KTN1: variants seen among roughly 807,000 people sequenced by gnomAD.
KTN1 encodes the protein kinectin.
In KTN1, 130 loss-of-function variants were observed where a neutral mutation model predicts 222.5. That is an observed-to-expected ratio of 0.58 (90% CI 0.51 to 0.68). KTN1 has a LOEUF of 0.68. Ranked by LOEUF, KTN1 falls within the 30% of genes least tolerant of loss-of-function variation. KTN1 has a pLI of 0.00. For missense variants in KTN1, 1,508 were observed against 1,500.4 expected (o/e 1.01, Z -0.08); for synonymous variants, 512 against 496.3 (o/e 1.03, Z -0.42).
At chr14:55,656,010 T>C (rs771252917) in intron 28 of KTN1, 32 bp from the exon 29 acceptor site, 28 of 1,315,532 alleles carry the variant, frequency 2.1e-5, no homozygotes, top group South Asian at 3.9e-5. Context: ...TTATGTACTT[T>C]AGTTAATGCA....
At chr14:55,581,914 T>A (rs2031754054) in intron 1 of KTN1, among the ~76,000 whole-genome samples, 1 of 148,762 alleles carries the variant, frequency 6.7e-6, no homozygotes, top group Non-Finnish European at 1.5e-5. Context: ...TCCTTTTTCC[T>A]TTTTTTTTAG....
intron 31 of KTN1, among the ~76,000 whole-genome samples, chr14:55,660,795 A>G (rs1050648268): frequency 4.6e-5 from 7 of 152,228 alleles, no homozygotes; most frequent in African/African-American, 1.4e-4. Flanking sequence ...ACATGTATAA[A>G]TAAAACAACA....
At chr14:55,644,868 G>A (rs1043109097) in intron 18 of KTN1, among the ~76,000 whole-genome samples, 1 of 152,056 alleles carries the variant, frequency 6.6e-6, no homozygotes, top group African/African-American at 2.4e-5. Flanking sequence ...TTATGCAATA[G>A]AGTATTTGAT....
chr14:55,671,335 T>G, intron 35 of KTN1: 2 of 496,064 alleles, frequency 4.0e-6, no homozygotes, highest in Non-Finnish European at 7.0e-6. Context: ...TCTTACCACC[T>G]GACTAAAGAC....
chr14:55,659,562 T>C, intron 30 of KTN1, 104 bp from the exon 31 acceptor site: 1 of 768,970 alleles, frequency 1.3e-6, no homozygotes, highest in Non-Finnish European at 2.3e-6. Context: ...ATATATACTA[T>C]TTTTACTTTT....
chr14:55,598,139 G>A (rs2035344909), intron 1 of KTN1, among the ~76,000 whole-genome samples: 1 of 151,964 alleles, frequency 6.6e-6, no homozygotes, highest in Non-Finnish European at 1.5e-5. Flanking sequence ...GAAATAATAA[G>A]AATATTGCTT....
chr14:55,622,792 T>G (rs1000565075), intron 5 of KTN1, among the ~76,000 whole-genome samples: 1 of 152,240 alleles, frequency 6.6e-6, no homozygotes, highest in African/African-American at 2.4e-5. Context: ...CTTTAAGAGA[T>G]AAATTGTTAT....
rs547135619 is a variant in KTN1 at position 55,612,398 on chromosome 14, A to C, written c.350A>C (p.Lys117Thr). The change falls in exon 2 of 44, where the codon AAG becomes ACG. Residue 117 changes from lysine to threonine, a missense_variant. Coordinates refer to ENST00000395314, the MANE Select transcript of KTN1 (RefSeq NM_001079521.2). Reference protein sequence around the residue: ...TSSSVRERKKKEKKQKPVLEE... With the variant: ...TSSSVRERKKTEKKQKPVLEE... Reference sequence around the variant, plus strand: ...AGTAGTGTTAGGGAAAGAAAAAAGAAGGAAAAGAAACAAAAGCCTGTGCTT... The same window carrying C: ...AGTAGTGTTAGGGAAAGAAAAAAGACGGAAAAGAAACAAAAGCCTGTGCTT... The C allele has an allele frequency of 1.2e-6, 2 of 1,614,014 alleles. No individual in the cohort carries two copies. The highest frequency in any genetic ancestry group is 4.5e-5 in the East Asian group (2 of 44,874).
intron 30 of KTN1, among the ~76,000 whole-genome samples, chr14:55,659,209 C>G (rs1385392108): frequency 6.6e-6 from 1 of 151,816 alleles, no homozygotes; most frequent in African/African-American, 2.4e-5. Context: ...GGAATAAATA[C>G]CATATATGAA....
Position 55,630,006 on chromosome 14 carries a change from A to T in KTN1, c.1130A>T (p.Lys377Ile). 6.2e-7 allele frequency: 1 copy of T among 1,602,966 alleles called. No individual in the cohort carries two copies. The highest frequency in any genetic ancestry group is 8.5e-7 in the Non-Finnish European group (1 of 1,169,872). Residue 377 changes from lysine to isoleucine, a missense_variant, in exon 7 of 44, where the codon AAA (lysine) becomes ATA (isoleucine). Lys to Ile is a moderately radical substitution (Grantham distance 102). Transcript: ENST00000395314. ...ERSNVVITRMKDRIGTLEKEH... is the reference protein window; with the variant it reads ...ERSNVVITRMIDRIGTLEKEH... ...AGCAATGTGGTTATAACAAGGATGA[A>T]AGATCGAATTGGAACATTAGAAAAG...
At chr14:55,650,487 G>A (rs571749162) in intron 23 of KTN1, 69 bp downstream of exon 23, 140 of 1,496,806 alleles carry the variant, frequency 9.4e-5, no homozygotes, top group South Asian at 1.2e-4. Context: ...ATTTAATTTC[G>A]TGTGTTTTTG....
chr14:55,613,032 C>T (rs1290979303), intron 2 of KTN1, among the ~76,000 whole-genome samples: 1 of 152,134 alleles, frequency 6.6e-6, no homozygotes, highest in Non-Finnish European at 1.5e-5. Flanking sequence ...AGGTGAAAAG[C>T]TAAAATCAGA....
intron 1 of KTN1, among the ~76,000 whole-genome samples, chr14:55,606,539 C>A (rs1009807989): frequency 1.6e-4 from 25 of 151,946 alleles, no homozygotes; most frequent in African/African-American, 5.8e-4. Flanking sequence ...CATTTGTTTT[C>A]ATTGTTTTTA....
At chr14:55,639,809 A>T (rs1446950950) in intron 13 of KTN1, 104 bp from the exon 14 acceptor site, 16 of 720,274 alleles carry the variant, frequency 2.2e-5, no homozygotes, top group Non-Finnish European at 3.7e-5. Context: ...TGGAAGGTAT[A>T]TGAGAACTAC....
At chr14:55,605,611 A>G (rs1334263096) in intron 1 of KTN1, among the ~76,000 whole-genome samples, 6 of 152,198 alleles carry the variant, frequency 3.9e-5, no homozygotes, top group South Asian at 4.1e-4. Context: ...GAAGAAACTC[A>G]TGGATAAAAA....
At position 55,641,176 on chromosome 14, in the gene KTN1, C is replaced by T; in HGVS notation, c.2071C>T (p.His691Tyr). 1 of 1,597,782 alleles carries T rather than the reference C, an allele frequency of 6.3e-7. No individual in the cohort carries two copies. The highest frequency in any genetic ancestry group is 8.5e-7 in the Non-Finnish European group (1 of 1,172,068). ...KIRLLEEQLQ[H>Y]EISNKMEEFK... The stretch of plus-strand genomic sequence containing the variant: ...AAGATTGCTGGAAGAGCAACTACAA[C>T]ATGAAATTTCAAACAAAATGGAAGA... The change falls in exon 17 of 44, where the codon CAT becomes TAT. Residue 691 changes from histidine (H) to tyrosine (Y), a missense_variant. Physicochemically the swap from His to Tyr is moderately conservative, Grantham distance 83. Coordinates refer to ENST00000395314, the MANE Select transcript of KTN1 (RefSeq NM_001079521.2).
intron 5 of KTN1, among the ~76,000 whole-genome samples, chr14:55,627,438 C>CT (rs994804323): frequency 2.0e-5 from 3 of 151,738 alleles, no homozygotes; most frequent in African/African-American, 7.3e-5. Flanking sequence ...ATCTTAGCAC[C>CT]TTTTATTTTT....
At chr14:55,615,993 C>T (rs2038334565) in intron 2 of KTN1, among the ~76,000 whole-genome samples, 2 of 151,784 alleles carry the variant, frequency 1.3e-5, no homozygotes, top group Admixed American at 6.6e-5. Flanking sequence ...GCTCACTGCA[C>T]CTTCGACCTC....
At position 55,655,310 on chromosome 14, in the gene KTN1, A is replaced by AT. The variant is rs2043358469; in HGVS notation, c.2802-729dup. Among the ~76,000 whole-genome samples the AT allele has an allele frequency of 2.0e-5, 3 of 152,298 alleles. No individual in the cohort carries two copies. In the South Asian group the frequency reaches 6.2e-4, roughly 32 times the overall value. On this transcript the variant is annotated intron_variant, in intron 28 of 43. Transcript: ENST00000395314. ...TGCCTTCTTTTACTTAGCAATATGC[A>AT]TTTGAGTTTTTCCCTTTTTATACAT... is the stretch of plus-strand genomic sequence containing the variant.
Sources: allele counts gnomAD v4.1 joint callset (sites outside exome capture counted in the v4.1 genomes callset), GRCh38; gene constraint gnomAD v4.1.1; transcripts MANE v1.5; gene names NCBI Gene and HGNC (gene_info 2026-07-23, HGNC 2026-07-21).